The following CFHR4 variants were observed in gnomAD, a reference collection of about 807,000 sequenced individuals.
CFHR4 encodes complement factor H-related protein 4.
A neutral mutation model predicts 69.3 loss-of-function variants in CFHR4; 64 were observed. The observed-to-expected ratio is 0.92, with a 90% CI of 0.76 to 1.14. The LOEUF (loss-of-function observed/expected upper bound fraction) is 1.14. CFHR4 is among the 50% of genes most tolerant of loss of function. The probability of loss-of-function intolerance (pLI) is 0.00; values close to 1 mark genes in which losing one functional copy is unlikely to be tolerated. For missense variants in CFHR4, 636 were observed against 684.9 expected (o/e 0.93, Z 0.80); for synonymous variants, 244 against 237.0 (o/e 1.03, Z -0.27).
chr1:196,894,737 C>T lies in CFHR4; in HGVS notation c.58+6529C>T, dbSNP rs978010629. Among the ~76,000 whole-genome samples the T allele has an allele frequency of 1.5e-4, 23 of 151,454 alleles. 2 individuals carry two copies. Among genetic ancestry groups the T allele is most frequent in the African/African-American group, 5.6e-4 (23 of 41,048 alleles). ...TCTCTCTTGCTGCATACAAGACTCT[C>T]TCTGTGTCTTTGCTATTTAAAAATT... On this transcript the variant is annotated intron_variant, in intron 1 of 9. Coordinates refer to ENST00000608469, the MANE Select transcript of CFHR4 (RefSeq NM_001201550.3).
At chr1:196,890,881 C>T (rs996665152) in intron 1 of CFHR4, among the ~76,000 whole-genome samples, 1 of 151,522 alleles carries the variant, frequency 6.6e-6, no homozygotes, top group Non-Finnish European at 1.5e-5. Flanking sequence ...AACTCCAGTG[C>T]CTTCTAGTGG....
chr1:196,902,682 T>A (rs572045403), intron 2 of CFHR4, 67 bp downstream of exon 2: 1 of 1,203,502 alleles, frequency 8.3e-7, no homozygotes, highest in East Asian at 2.3e-5. Flanking sequence ...AGCAAATAAA[T>A]GATTATATTG....
intron 9 of CFHR4, among the ~76,000 whole-genome samples, chr1:196,915,635 CA>C (rs35073077): frequency 0.079 from 11,427 of 143,780 alleles, 658 homozygotes; most frequent in Non-Finnish European, 0.11. Context: ...ACTCCGTCTC[CA>C]AAAATAAAAA....
intron 7 of CFHR4, 73 bp downstream of exon 7, chr1:196,912,995 T>G: frequency 6.2e-7 from 1 of 1,600,732 alleles, no homozygotes; most frequent in Admixed American, 1.7e-5. Flanking sequence ...GTGTTTTACT[T>G]AAAAATATAG....
At position 196,907,017 on chromosome 1, in the gene CFHR4, C is replaced by T. The variant is rs199731883; in HGVS notation, c.596C>T (p.Ser199Phe). 1.4e-4 allele frequency: 224 copies of T among 1,610,626 alleles called. 5 individuals carry two copies. Among genetic ancestry groups the T allele is most frequent in the Middle Eastern group, 1.6e-4 (1 of 6,072 alleles). Residue 199 changes from serine to phenylalanine, a missense_variant, in exon 4 of 10, where the codon TCC (serine) becomes TTC (phenylalanine). Physicochemically the swap from Ser to Phe is radical, Grantham distance 155. Around this residue, in one of 3 missense-constraint regions of CFHR4, gnomAD observed 529 missense variants for 533.2 expected, o/e 0.99. Coordinates refer to ENST00000608469, the MANE Select transcript of CFHR4 (RefSeq NM_001201550.3). ...ATAGTGTGTGGTGAAGATGGCTGGTCCCATTTGCCAACATGCTATAGTAAG... is the reference window on the plus strand; with the variant it reads ...ATAGTGTGTGGTGAAGATGGCTGGTTCCATTTGCCAACATGCTATAGTAAG... ...DSIVCGEDGW[S>F]HLPTCYNSSE...
chr1:196,907,530 T>A (rs777791700), intron 5 of CFHR4, 32 bp downstream of exon 5: 24 of 1,558,804 alleles, frequency 1.5e-5, no homozygotes, highest in Non-Finnish European at 2.1e-5. Flanking sequence ...TCTGAGAAAA[T>A]TAGAGTAATA....
chr1:196,899,709 T>C (rs931223799), intron 1 of CFHR4, among the ~76,000 whole-genome samples: 1 of 151,736 alleles, frequency 6.6e-6, no homozygotes, highest in Non-Finnish European at 1.5e-5. Flanking sequence ...ATGAAAATGC[T>C]AGATCAGCCC....
chr1:196,896,011 T>G (rs1657275402), intron 1 of CFHR4, among the ~76,000 whole-genome samples: 1 of 151,040 alleles, frequency 6.6e-6, no homozygotes, highest in Admixed American at 6.6e-5. Flanking sequence ...GTCTCCAGTG[T>G]TTTCCAAGCC....
At chr1:196,894,547 T>TCACTTTTGAAGGA (rs1482101755) in intron 1 of CFHR4, among the ~76,000 whole-genome samples, 1 of 151,540 alleles carries the variant, frequency 6.6e-6, no homozygotes, top group African/African-American at 2.4e-5. Context: ...AATTTCTCCT[T>TCACTTTTGAAGGA]CACTTTTGAA....
In CFHR4 at chr1:196,891,898, T is replaced by A. The variant is rs529873000; in HGVS notation, c.58+3690T>A. 3.3e-5 allele frequency among the ~76,000 whole-genome samples: 5 copies of A among 151,536 alleles called. No individual in the cohort carries two copies. In the South Asian group the frequency reaches 1.0e-3, roughly 31 times the overall value. On this transcript the variant is annotated intron_variant, in intron 1 of 9. Coordinates refer to ENST00000608469, the MANE Select transcript of CFHR4 (RefSeq NM_001201550.3). ...TAATATGTCTCACCTGATACATGAA[T>A]TCTAACTATGGTAAGAATGTATGCC...
At chr1:196,896,032 G>T (rs1398074366) in intron 1 of CFHR4, among the ~76,000 whole-genome samples, 1 of 150,818 alleles carries the variant, frequency 6.6e-6, no homozygotes, top group African/African-American at 2.5e-5. Flanking sequence ...TGCACTTTTT[G>T]CTAAGTGTTC....
chr1:196,892,906 A>C (rs1657107346), intron 1 of CFHR4, among the ~76,000 whole-genome samples: 1 of 151,590 alleles, frequency 6.6e-6, no homozygotes, highest in African/African-American at 2.4e-5. Flanking sequence ...ATATCAGATG[A>C]GGAAACATTC....
rs988933102 is a variant in CFHR4 at position 196,894,992 on chromosome 1, C to T, written c.58+6784C>T. On this transcript the variant is annotated intron_variant, in intron 1 of 9. Transcript: ENST00000608469. ...GAAGGATCACTTGAGCCCAGGAGGT[C>T]GAGGCTACAGTAAGGTGTGATCACA... Among the ~76,000 whole-genome samples, 42 of 151,364 alleles carry T rather than the reference C, an allele frequency of 2.8e-4. 1 individual carries two copies. The highest frequency in any genetic ancestry group is 4.3e-4 in the Non-Finnish European group (29 of 67,930).
chr1:196,902,750 G>A, intron 2 of CFHR4, 135 bp downstream of exon 2: 2 of 612,860 alleles, frequency 3.3e-6, no homozygotes, highest in Non-Finnish European at 5.5e-6. Flanking sequence ...AGACCAAAAT[G>A]GATCTTTTTT....
Position 196,912,745 on chromosome 1 carries a change from T to C in CFHR4, c.1003T>C (p.Cys335Arg), listed in dbSNP as rs780861443. 3 of 1,586,346 alleles carry C rather than the reference T, an allele frequency of 1.9e-6. No homozygotes were observed. Among genetic ancestry groups the C allele is most frequent in the Middle Eastern group, 1.8e-4 (1 of 5,538 alleles). Residue 335 changes from cysteine to arginine, a missense_variant, in exon 7 of 10, where the codon TGC becomes CGC. Physicochemically the swap from Cys to Arg is radical, Grantham distance 180. Around this residue, in one of 3 missense-constraint regions of CFHR4, gnomAD observed 529 missense variants for 533.2 expected, o/e 0.99. Coordinates refer to ENST00000608469, the MANE Select transcript of CFHR4 (RefSeq NM_001201550.3). ...WLPTVPCLRTCSKSDIEIENG... is the reference protein window; with the variant it reads ...WLPTVPCLRTRSKSDIEIENG... Reference sequence around the variant, plus strand: ...CTCTACTTTTTCTATTTTAGGAACATGCTCAAAATCAGATATAGAAATTGA... The same window carrying C: ...CTCTACTTTTTCTATTTTAGGAACACGCTCAAAATCAGATATAGAAATTGA...
intron 1 of CFHR4, among the ~76,000 whole-genome samples, chr1:196,894,303 C>T (rs533353113): frequency 8.6e-4 from 130 of 151,628 alleles, no homozygotes; most frequent in Middle Eastern, 6.8e-3. Context: ...TCACTGGTCT[C>T]TTAAATCATA....
chr1:196,907,109 C>A, intron 4 of CFHR4, 72 bp downstream of exon 4: 1 of 1,387,858 alleles, frequency 7.2e-7, no homozygotes, highest in Non-Finnish European at 1.0e-6. Flanking sequence ...TATATGTACA[C>A]ATATGTGTAT....
At chr1:196,891,559 A>G (rs1657038339) in intron 1 of CFHR4, among the ~76,000 whole-genome samples, 1 of 151,446 alleles carries the variant, frequency 6.6e-6, no homozygotes, top group South Asian at 2.1e-4. Context: ...TACACACTAA[A>G]GCTGTTGTGT....
chr1:196,903,195 T>C (rs1657716597), intron 2 of CFHR4, among the ~76,000 whole-genome samples: 1 of 151,448 alleles, frequency 6.6e-6, no homozygotes, highest in Admixed American at 6.6e-5. Context: ...GATCTAGATA[T>C]TTAACTGGAA....
Sources: gnomAD v4.1 joint callset for allele counts (sites outside exome capture counted in the v4.1 genomes callset) on GRCh38, gnomAD v4.1.1 for gene constraint, gnomAD v4.1.1 regional missense constraint, MANE v1.5 for transcripts, NCBI Gene and HGNC (gene_info 2026-07-23, HGNC 2026-07-21) for gene names.